C2CD3: variants seen among roughly 807,000 people sequenced by gnomAD.
C2CD3 encodes the protein C2 domain-containing protein 3.
In C2CD3, 148 loss-of-function variants were observed where a neutral mutation model predicts 234.0. The observed-to-expected ratio is 0.63, with a 90% CI of 0.55 to 0.72. The LOEUF (loss-of-function observed/expected upper bound fraction) is 0.72, where lower values mean the gene tolerates loss of function less well. Ranked by LOEUF, C2CD3 falls within the 30% of genes least tolerant of loss-of-function variation. The pLI is 0.00. For synonymous variants in C2CD3, 1,000 were observed against 1,035.4 expected (o/e 0.97, Z 0.66); for missense variants, 2,577 against 2,811.5 (o/e 0.92, Z 1.89).
chr11:74,059,627 A>G (rs553870246), intron 24 of C2CD3, among the ~76,000 whole-genome samples: 15 of 152,118 alleles, frequency 9.9e-5, no homozygotes, highest in Non-Finnish European at 2.2e-4. Context: ...ATTCCTGTCC[A>G]CATGCAGTTT....
In C2CD3 at chr11:74,116,928, G is replaced by A. The variant is rs1312535865; in HGVS notation, c.1520+1300C>T. On this transcript the variant is annotated intron_variant, in intron 9 of 32. Coordinates refer to ENST00000334126, the MANE Select transcript of C2CD3 (RefSeq NM_001286577.2). ...CGTGTATGTATATATACATATACACGTGTATATACACATATACACGTATAT... is the reference window on the plus strand; with the variant it reads ...CGTGTATGTATATATACATATACACATGTATATACACATATACACGTATAT... Among the ~76,000 whole-genome samples, 17 of 106,450 alleles carry A rather than the reference G, an allele frequency of 1.6e-4. No individual in the cohort carries two copies. The East Asian group carries it at 3.5e-3, about 22-fold the overall frequency. The allele number at this position is 106,450 out of a possible 152,430, so 69.8% of individuals were successfully genotyped here.
In C2CD3 at chr11:74,133,565, G is replaced by C; in HGVS notation, c.956-8C>G. ...TGCCTTGTTCTAACAGAGCTGAAGA[G>C]GGTAAATGCAGAAAACAGAAAAATC... On this transcript the variant is annotated splice_region_variant and splice_polypyrimidine_tract_variant and intron_variant, in intron 5 of 32. Coordinates refer to ENST00000334126, the MANE Select transcript of C2CD3 (RefSeq NM_001286577.2). 6.2e-7 allele frequency: 1 copy of C among 1,613,508 alleles called. No individual in the cohort carries two copies. The highest frequency in any genetic ancestry group is 8.5e-7 in the Non-Finnish European group (1 of 1,179,760).
chr11:74,055,239 T>C (rs1016628286), intron 25 of C2CD3, among the ~76,000 whole-genome samples: 7 of 152,214 alleles, frequency 4.6e-5, no homozygotes, highest in African/African-American at 1.7e-4. Flanking sequence ...GTAGTAGGGC[T>C]AGGATTTAAA....
intron 3 of C2CD3, among the ~76,000 whole-genome samples, chr11:74,152,750 A>C (rs1176374632): frequency 6.6e-6 from 1 of 152,238 alleles, no homozygotes; most frequent in Non-Finnish European, 1.5e-5. Context: ...AAAATAGGCC[A>C]TATTAACAGA....
At chr11:74,127,344 T>C (rs1342433486) in intron 7 of C2CD3, among the ~76,000 whole-genome samples, 2 of 152,260 alleles carry the variant, frequency 1.3e-5, no homozygotes, top group African/African-American at 4.8e-5. Context: ...TCATCCATGC[T>C]GTAGCATGTA....
chr11:74,135,475 C>T (rs1310605650), intron 5 of C2CD3, among the ~76,000 whole-genome samples: 1 of 152,118 alleles, frequency 6.6e-6, no homozygotes, highest in Non-Finnish European at 1.5e-5. Flanking sequence ...GGAAGATTAT[C>T]TTGGTAGGCA....
chr11:74,121,270 G>A (rs1256880600), intron 8 of C2CD3, among the ~76,000 whole-genome samples: 1 of 152,086 alleles, frequency 6.6e-6, no homozygotes, highest in African/African-American at 2.4e-5. Flanking sequence ...TTCATGCTAT[G>A]TAAAAGAGAG....
At chr11:74,015,826 G>A (rs1309375253) in intron 32 of C2CD3, among the ~76,000 whole-genome samples, 4 of 151,914 alleles carry the variant, frequency 2.6e-5, no homozygotes, top group Non-Finnish European at 5.9e-5. Flanking sequence ...CAGCACTTTG[G>A]GAGGCCAAGG....
intron 16 of C2CD3, 49 bp downstream of exon 16, chr11:74,097,960 G>A: frequency 6.4e-7 from 1 of 1,571,090 alleles, no homozygotes; most frequent in Non-Finnish European, 8.7e-7. Flanking sequence ...ACTAAAATAT[G>A]CAAGAGAAAA....
intron 29 of C2CD3, among the ~76,000 whole-genome samples, chr11:74,039,490 G>A (rs1457746465): frequency 6.6e-6 from 1 of 152,212 alleles, no homozygotes; most frequent in Non-Finnish European, 1.5e-5. Context: ...GAAATGCAGA[G>A]TCTCAGGCCT....
In C2CD3 at chr11:74,117,085, TGAA is replaced by T. The variant is rs1565313387; in HGVS notation, c.1520+1140_1520+1142del. The stretch of plus-strand genomic sequence containing the variant: ...GAATATATATATATGAATATATATA[TGAA>T]TATATATATATGAATATATATATAT... On this transcript the variant is annotated intron_variant, in intron 9 of 32. Coordinates refer to ENST00000334126, the MANE Select transcript of C2CD3 (RefSeq NM_001286577.2). 3.1e-3 allele frequency among the ~76,000 whole-genome samples: 213 copies of T among 68,426 alleles called. 25 individuals are homozygous for T. The highest frequency in any genetic ancestry group is 5.1e-3 in the Admixed American group (27 of 5,344). The allele number at this position is 68,426 out of a possible 152,430, so 44.9% of individuals were successfully genotyped here. A position where few individuals can be genotyped will look rare whatever the true frequency, so the allele number is the denominator to read the frequency against.
intron 22 of C2CD3, among the ~76,000 whole-genome samples, chr11:74,082,914 C>G (rs1955456840): frequency 6.6e-6 from 1 of 152,200 alleles, no homozygotes; most frequent in Non-Finnish European, 1.5e-5. Context: ...CTACCAATGA[C>G]TTTCTTCACA....
At position 74,138,977 on chromosome 11, in the gene C2CD3, TA is replaced by T; in HGVS notation, c.708-11del. ...TACATGGTCTTTTCCCCTGTTTTTT[TA>T]AAAAGGGAGAACATCAGCAATATAT... On this transcript the variant is annotated splice_polypyrimidine_tract_variant and intron_variant, in intron 4 of 32. Coordinates refer to ENST00000334126, the MANE Select transcript of C2CD3 (RefSeq NM_001286577.2). 6.3e-7 allele frequency: 1 copy of T among 1,594,858 alleles called. No homozygotes were observed. The highest frequency in any genetic ancestry group is 1.1e-5 in the South Asian group (1 of 89,142).
At chr11:74,123,457 T>C (rs921012390) in intron 7 of C2CD3, among the ~76,000 whole-genome samples, 3 of 152,166 alleles carry the variant, frequency 2.0e-5, no homozygotes, top group Non-Finnish European at 4.4e-5. Context: ...ATCTGTACTC[T>C]TGTATTATTT....
At chr11:74,083,943 G>A (rs143020015) in intron 22 of C2CD3, among the ~76,000 whole-genome samples, 108 of 152,244 alleles carry the variant, frequency 7.1e-4, no homozygotes, top group African/African-American at 2.6e-3. Context: ...CCATGACTGG[G>A]TATATACCCA....
intron 13 of C2CD3, among the ~76,000 whole-genome samples, chr11:74,106,015 C>A (rs562629728): frequency 2.0e-5 from 3 of 152,330 alleles, no homozygotes; most frequent in African/African-American, 7.2e-5. Context: ...TATCCTCTGG[C>A]AACTTTCTAT....
rs747090151 is a variant in C2CD3 at position 74,042,223 on chromosome 11, C to CAA, written c.5496-7_5496-6dup. ...TGGCTTCTTGTGGTATCACTTCTGT[C>CAA]AAAAAAAAAAAAAAAAAAAGTAGGA... is the stretch of plus-strand genomic sequence containing the variant. On this transcript the variant is annotated splice_polypyrimidine_tract_variant and splice_region_variant and intron_variant, in intron 28 of 32. Transcript: ENST00000334126. 1.4e-3 allele frequency: 1,895 copies of CAA among 1,380,600 alleles called. 3 individuals are homozygous for CAA. The highest frequency in any genetic ancestry group is 7.1e-3 in the African/African-American group (371 of 52,092). The allele number at this position is 1,380,600 out of a possible 1,614,324, so 85.5% of individuals were successfully genotyped here.
At chr11:74,074,947 G>A (rs907716884) in intron 23 of C2CD3, among the ~76,000 whole-genome samples, 1 of 152,044 alleles carries the variant, frequency 6.6e-6, no homozygotes, top group Non-Finnish European at 1.5e-5. Context: ...AGCTGAGCAT[G>A]GTGGTGTGTG....
In C2CD3 at chr11:74,013,347, G is replaced by A. The variant is rs948361775; in HGVS notation, c.*38C>T. 1.3e-5 allele frequency: 8 copies of A among 636,296 alleles called. No homozygotes were observed. The African/African-American group carries it at 1.5e-4, about 12-fold the overall frequency. The allele number at this position is 636,296 out of a possible 1,614,324, so 39.4% of individuals were successfully genotyped here. A position where few individuals can be genotyped will look rare whatever the true frequency, so the allele number is the denominator to read the frequency against. Reference sequence around the variant, plus strand: ...AAGCTGGACAAAGCTGACGGAGGGTGGGCAGGTGTCTCCTTCCCCCCAGCC... The same window carrying A: ...AAGCTGGACAAAGCTGACGGAGGGTAGGCAGGTGTCTCCTTCCCCCCAGCC... On this transcript the variant is annotated 3_prime_UTR_variant, in exon 33 of 33. Transcript: ENST00000334126.
Sources: gnomAD v4.1 joint callset for allele counts (sites outside exome capture counted in the v4.1 genomes callset) on GRCh38, gnomAD v4.1.1 for gene constraint, MANE v1.5 for transcripts, NCBI Gene and HGNC (gene_info 2026-07-23, HGNC 2026-07-21) for gene names.